Variants in ABL2 observed in about 807,000 individuals in gnomAD.
ABL2 encodes the protein ABL proto-oncogene 2, non-receptor tyrosine kinase.
In ABL2, 49 loss-of-function variants were observed where a neutral mutation model predicts 107.7. That is an observed-to-expected ratio of 0.45 (90% CI 0.36 to 0.58). ABL2 has a LOEUF of 0.58. Ranked by LOEUF, ABL2 falls within the 20% of genes least tolerant of loss-of-function variation. The pLI is 0.00. For synonymous variants in ABL2, 549 were observed against 548.6 expected (o/e 1.00, Z -0.01); for missense variants, 1,245 against 1,457.0 (o/e 0.85, Z 2.37).
At chr1:179,135,833 G>C (rs1361049368) in intron 1 of ABL2, among the ~76,000 whole-genome samples, 21 of 146,848 alleles carry the variant, frequency 1.4e-4, no homozygotes, top group Admixed American at 2.7e-4. Flanking sequence ...GGAGGTGGGG[G>C]GGTCAGCCCC....
At chr1:179,224,093 T>C (rs547771892) in intron 1 of ABL2, among the ~76,000 whole-genome samples, 26 of 117,124 alleles carry the variant, frequency 2.2e-4, no homozygotes, top group African/African-American at 7.0e-4. Context: ...ATCTCGCCAA[T>C]GCACTCCAGC....
chr1:179,108,402 C>T lies in ABL2; in HGVS notation c.2865G>A (p.Gly955=), dbSNP rs751429671. The change falls in exon 12 of 12, where the codon GGG becomes GGA. Residue 955 remains glycine, a synonymous_variant. Transcript: ENST00000502732. The part of the protein sequence containing the change: ...DVQLIGTDSQ[G]NKFKLLSEHQ... ...GCTCAGATAAGAGCTTGAATTTATT[C>T]CCCTGAGAGTCTGTGCCAATGAGCT... 3 of 1,614,234 alleles carry T rather than the reference C, an allele frequency of 1.9e-6. No individual in the cohort carries two copies. Among genetic ancestry groups the T allele is most frequent in the Non-Finnish European group, 2.5e-6 (3 of 1,180,044 alleles).
At chr1:179,159,782 T>C (rs910551802) in intron 1 of ABL2, among the ~76,000 whole-genome samples, 3 of 152,224 alleles carry the variant, frequency 2.0e-5, no homozygotes, top group Non-Finnish European at 4.4e-5. Flanking sequence ...AAAATACTTG[T>C]ATAATGCTTA....
chr1:179,196,865 AT>A lies in ABL2; in HGVS notation c.157+32375del, dbSNP rs1047421246. On this transcript the variant is annotated intron_variant, in intron 1 of 11. Coordinates refer to ENST00000502732, the MANE Select transcript of ABL2 (RefSeq NM_007314.4). ...TTTATGTTACATGTATTTTACCACAATTTTTTTATAAGACCAGATTTTAAAG... is the reference window on the plus strand; with the variant it reads ...TTTATGTTACATGTATTTTACCACAATTTTTTATAAGACCAGATTTTAAAG... 7.2e-5 allele frequency among the ~76,000 whole-genome samples: 11 copies of A among 152,258 alleles called. No individual in the cohort carries two copies. The East Asian group carries it at 1.3e-3, about 19-fold the overall frequency.
chr1:179,197,944 C>T (rs1009946159), intron 1 of ABL2, among the ~76,000 whole-genome samples: 1 of 150,946 alleles, frequency 6.6e-6, no homozygotes, highest in Non-Finnish European at 1.5e-5. Context: ...GAGGCTGAGG[C>T]GGGCGGATCA....
intron 2 of ABL2, 137 bp downstream of exon 2, chr1:179,133,175 T>C (rs1002972507): frequency 1.8e-5 from 25 of 1,406,492 alleles, no homozygotes; most frequent in Middle Eastern, 3.7e-4. Flanking sequence ...TTATTTTTAA[T>C]ATAAAAATAG....
chr1:179,178,900 G>A (rs1660210759), intron 1 of ABL2, among the ~76,000 whole-genome samples: 1 of 152,078 alleles, frequency 6.6e-6, no homozygotes, highest in African/African-American at 2.4e-5. Flanking sequence ...GCAAGACCCT[G>A]TCTCAAGAAA....
intron 1 of ABL2, among the ~76,000 whole-genome samples, chr1:179,155,006 A>G (rs972730586): frequency 1.3e-5 from 2 of 152,214 alleles, no homozygotes; most frequent in Non-Finnish European, 2.9e-5. Flanking sequence ...CATTATTATC[A>G]TAACTTACAA....
chr1:179,194,162 A>G (rs1455016702), intron 1 of ABL2, among the ~76,000 whole-genome samples: 2 of 152,202 alleles, frequency 1.3e-5, no homozygotes, highest in East Asian at 3.8e-4. Context: ...AAATTTCATA[A>G]TTTTGACTAC....
chr1:179,194,315 T>C (rs973521054), intron 1 of ABL2, among the ~76,000 whole-genome samples: 1 of 152,196 alleles, frequency 6.6e-6, no homozygotes, highest in African/African-American at 2.4e-5. Flanking sequence ...AATAGTTTCC[T>C]AACGGGCAAA....
intron 8 of ABL2, among the ~76,000 whole-genome samples, chr1:179,115,752 A>G (rs1020244410): frequency 3.3e-5 from 5 of 152,240 alleles, no homozygotes; most frequent in Non-Finnish European, 4.4e-5. Context: ...ACAGTTTTAA[A>G]GTCAGCTAAT....
At chr1:179,210,720 G>T (rs889674010) in intron 1 of ABL2, among the ~76,000 whole-genome samples, 19 of 151,414 alleles carry the variant, frequency 1.3e-4, no homozygotes, top group African/African-American at 4.6e-4. Flanking sequence ...TGGGCTTAGT[G>T]GCGGGCGCCT....
chr1:179,157,172 T>C (rs1341280866), intron 1 of ABL2, among the ~76,000 whole-genome samples: 2 of 152,044 alleles, frequency 1.3e-5, no homozygotes, highest in Non-Finnish European at 2.9e-5. Flanking sequence ...AAGGAAAATG[T>C]TCACTGGAGC....
At position 179,108,491 on chromosome 1, in the gene ABL2, T is replaced by C; in HGVS notation, c.2776A>G (p.Thr926Ala). The change falls in exon 12 of 12, where the codon ACT becomes GCT. Residue 926 changes from threonine to alanine, a missense_variant. By Grantham distance (58) the Thr-to-Ala change is moderately conservative. This residue lies in a region of ABL2 where 761 missense variants were observed against 766.4 expected (regional missense o/e 0.99). Transcript: ENST00000502732. ...PAKAAPVLPT[T>A]HNHKVPVLIS... ...AGGACTGGCACTTTGTGGTTGTGAG[T>C]GGTTGGGAGGACGGGGGCAGCCTTG... 6.2e-7 allele frequency: 1 copy of C among 1,614,020 alleles called. No individual in the cohort carries two copies. Among genetic ancestry groups the C allele is most frequent in the Middle Eastern group, 1.6e-4 (1 of 6,062 alleles).
chr1:179,111,702 T>G (rs1468140969), intron 10 of ABL2, among the ~76,000 whole-genome samples: 2 of 152,178 alleles, frequency 1.3e-5, no homozygotes, highest in Non-Finnish European at 1.5e-5. Flanking sequence ...CATATGGATA[T>G]CCTCGTTTAC....
At chr1:179,210,446 G>T (rs1571324491) in intron 1 of ABL2, among the ~76,000 whole-genome samples, 1 of 133,122 alleles carries the variant, frequency 7.5e-6, no homozygotes, top group Admixed American at 9.5e-5. Context: ...GGACGTTGCA[G>T]TGAACTGAGA....
rs143086331 is a variant in ABL2, at chr1:179,175,000, C to T, written c.158-41626G>A. On this transcript the variant is annotated intron_variant, in intron 1 of 11. Coordinates refer to ENST00000502732, the MANE Select transcript of ABL2 (RefSeq NM_007314.4). ...AGAGAAATATAAAAGGGTGCTTATC[C>T]CCTGATCTTTTAGTGTCTTTCCCCC... 3.3e-4 allele frequency among the ~76,000 whole-genome samples: 50 copies of T among 150,864 alleles called. No individual in the cohort carries two copies. In the East Asian group the frequency reaches 9.1e-3, roughly 27 times the overall value.
Position 179,107,637 on chromosome 1 carries a change from TGAAAACAAGAACACAG to T in ABL2, c.*65_*80del. 4.6e-6 allele frequency: 7 copies of T among 1,517,340 alleles called. No homozygotes were observed. The highest frequency in any genetic ancestry group is 5.3e-6 in the Non-Finnish European group (6 of 1,134,852). 94.0% of individuals were successfully genotyped at this position (1,517,340 alleles called of 1,614,324 possible). ...ACTCAAGTATGAGTCTTTCATTTTC[TGAAAACAAGAACACAG>T]GAAAACAAGTCCTTTTCCCTCTCCC... On this transcript the variant is annotated 3_prime_UTR_variant, in exon 12 of 12. Transcript: ENST00000502732.
At chr1:179,137,930 A>T (rs1657193176) in intron 1 of ABL2, 1 of 152,316 alleles carries the variant, frequency 6.6e-6, no homozygotes, top group South Asian at 2.1e-4. Context: ...AAGAAGGATG[A>T]TTGATTAAAC....
Sources: allele counts gnomAD v4.1 joint callset (sites outside exome capture counted in the v4.1 genomes callset), GRCh38; gene constraint gnomAD v4.1.1; regional missense constraint gnomAD v4.1.1; transcripts MANE v1.5; gene names NCBI Gene and HGNC (gene_info 2026-07-23, HGNC 2026-07-21).